The following ENOX1 variants were observed in gnomAD, a reference collection of about 807,000 sequenced individuals.
ENOX1 encodes the protein ecto-NOX disulfide-thiol exchanger 1.
In ENOX1, 42 loss-of-function variants were observed where a neutral mutation model predicts 82.5. That is an observed-to-expected ratio of 0.51 (90% CI 0.40 to 0.66). The LOEUF is 0.66. Among genes scored for constraint, ENOX1 ranks in the 30% least tolerant of loss-of-function variants. The pLI is 0.00. For synonymous variants in ENOX1, 271 were observed against 282.2 expected (o/e 0.96, Z 0.40); for missense variants, 608 against 811.6 (o/e 0.75, Z 3.05).
intron 2 of ENOX1, among the ~76,000 whole-genome samples, chr13:43,602,052 G>T (rs922248204): frequency 1.3e-5 from 2 of 151,754 alleles, no homozygotes; most frequent in Non-Finnish European, 2.9e-5. Context: ...GGCCAATGAA[G>T]AATTATGAAG....
intron 2 of ENOX1, among the ~76,000 whole-genome samples, chr13:43,662,089 A>G (rs1459454352): frequency 6.6e-6 from 1 of 152,162 alleles, no homozygotes; most frequent in East Asian, 1.9e-4. Flanking sequence ...TCAATACAAA[A>G]GCAGAAGAAA....
At chr13:43,725,877 G>A (rs2088913307) in intron 1 of ENOX1, among the ~76,000 whole-genome samples, 1 of 151,840 alleles carries the variant, frequency 6.6e-6, no homozygotes, top group African/African-American at 2.4e-5. Context: ...TGAGACAGGA[G>A]GGTTGCTTGA....
At chr13:43,622,333 A>AT (rs1266820478) in intron 2 of ENOX1, among the ~76,000 whole-genome samples, 2 of 152,110 alleles carry the variant, frequency 1.3e-5, no homozygotes, top group African/African-American at 4.8e-5. Flanking sequence ...GTTTTGTCAT[A>AT]TTACCAGGGT....
At chr13:43,519,244 G>A (rs571222104) in intron 2 of ENOX1, among the ~76,000 whole-genome samples, 2 of 152,084 alleles carry the variant, frequency 1.3e-5, no homozygotes, top group African/African-American at 4.8e-5. Flanking sequence ...GTTCAATTCG[G>A]TTGAGTTAAA....
At chr13:43,491,316 T>A (rs552213759) in intron 2 of ENOX1, among the ~76,000 whole-genome samples, 17 of 152,276 alleles carry the variant, frequency 1.1e-4, no homozygotes, top group Admixed American at 1.0e-3. Flanking sequence ...AGGCCCCACC[T>A]TCAGCATTGG....
At chr13:43,775,540 A>G (rs1397924804) in intron 1 of ENOX1, among the ~76,000 whole-genome samples, 1 of 152,126 alleles carries the variant, frequency 6.6e-6, no homozygotes, top group Non-Finnish European at 1.5e-5. Context: ...CATGGCTACT[A>G]ATTTTAAGAT....
At chr13:43,771,933 ATTTTTT>A (rs34718451) in intron 1 of ENOX1, among the ~76,000 whole-genome samples, 9 of 100,970 alleles carry the variant, frequency 8.9e-5, no homozygotes, top group African/African-American at 2.4e-4. Context: ...CGCCCGGCTA[ATTTTTT>A]TTTTTTTTTT....
At chr13:43,692,805 A>C (rs1201914746) in intron 1 of ENOX1, among the ~76,000 whole-genome samples, 3 of 152,168 alleles carry the variant, frequency 2.0e-5, no homozygotes, top group Admixed American at 2.0e-4. Flanking sequence ...GGGCACTGTT[A>C]AATACTGCTG....
At chr13:43,694,433 G>C (rs1227107848) in intron 1 of ENOX1, among the ~76,000 whole-genome samples, 1 of 152,108 alleles carries the variant, frequency 6.6e-6, no homozygotes, top group Non-Finnish European at 1.5e-5. Flanking sequence ...CCTGCACTGG[G>C]TCTGGCTTAG....
intron 1 of ENOX1, among the ~76,000 whole-genome samples, chr13:43,740,749 G>T (rs1385686865): frequency 6.6e-6 from 1 of 152,196 alleles, no homozygotes; most frequent in East Asian, 1.9e-4. Context: ...ACAATATGTG[G>T]TCTTTTATGT....
intron 3 of ENOX1, among the ~76,000 whole-genome samples, chr13:43,422,448 C>A (rs559192872): frequency 2.6e-5 from 4 of 152,266 alleles, no homozygotes; most frequent in Non-Finnish European, 2.9e-5. Flanking sequence ...CAGACCCAAC[C>A]ATTTCTCAAA....
At chr13:43,601,063 G>A (rs9567228) in intron 2 of ENOX1, among the ~76,000 whole-genome samples, 11,329 of 152,018 alleles carry the variant, frequency 0.075, 568 homozygotes, top group East Asian at 0.26. Flanking sequence ...CAAGAAAGAC[G>A]GGTACAAACA....
chr13:43,601,626 G>T (rs1397420347), intron 2 of ENOX1, among the ~76,000 whole-genome samples: 1 of 152,118 alleles, frequency 6.6e-6, no homozygotes, highest in Non-Finnish European at 1.5e-5. Flanking sequence ...GATAGGGGTA[G>T]CAAGTTTATC....
intron 2 of ENOX1, among the ~76,000 whole-genome samples, chr13:43,549,765 C>T (rs1052990908): frequency 6.6e-6 from 1 of 152,142 alleles, no homozygotes; most frequent in African/African-American, 2.4e-5. Flanking sequence ...TGAGGTAGAT[C>T]CTAAAAGAAC....
intron 14 of ENOX1, among the ~76,000 whole-genome samples, chr13:43,259,623 G>GT (rs2043943227): frequency 1.3e-5 from 2 of 152,088 alleles, no homozygotes; most frequent in African/African-American, 4.8e-5. Flanking sequence ...TTACAGGCAT[G>GT]TGCCACTATG....
intron 2 of ENOX1, among the ~76,000 whole-genome samples, chr13:43,655,594 A>T (rs955658595): frequency 5.9e-5 from 9 of 152,072 alleles, no homozygotes; most frequent in Non-Finnish European, 1.3e-4. Context: ...CATGTTGATC[A>T]TGTCACTTGT....
chr13:43,264,905 A>C (rs2044280512), intron 14 of ENOX1, among the ~76,000 whole-genome samples: 1 of 152,212 alleles, frequency 6.6e-6, no homozygotes, highest in African/African-American at 2.4e-5. Context: ...TATCAAGAAG[A>C]TGGATGCACT....
intron 12 of ENOX1, among the ~76,000 whole-genome samples, chr13:43,278,667 C>T (rs1313760716): frequency 6.6e-6 from 1 of 152,152 alleles, no homozygotes; most frequent in African/African-American, 2.4e-5. Context: ...CAATACTTGC[C>T]TAAATTGTGC....
intron 2 of ENOX1, among the ~76,000 whole-genome samples, chr13:43,549,676 A>T (rs922148710): frequency 3.3e-5 from 5 of 152,182 alleles, no homozygotes; most frequent in African/African-American, 1.2e-4. Flanking sequence ...ATTCTAGAGG[A>T]TACTCCTCTG....
Sources: gnomAD v4.1 joint callset for allele counts (sites outside exome capture counted in the v4.1 genomes callset) on GRCh38, gnomAD v4.1.1 for gene constraint, MANE v1.5 for transcripts, NCBI Gene and HGNC (gene_info 2026-07-23, HGNC 2026-07-21) for gene names.